Variants in TFRC observed in about 807,000 individuals in gnomAD.
TFRC encodes the protein transferrin receptor protein 1.
TFRC carries 35 observed loss-of-function variants against 85.8 expected under a neutral mutation model. The observed-to-expected ratio is 0.41, with a 90% CI of 0.31 to 0.54. The LOEUF is 0.54. TFRC is among the 20% of genes least tolerant of loss of function. The pLI, the probability that TFRC is intolerant of heterozygous loss-of-function variation, is 0.31. For synonymous variants in TFRC, 362 were observed against 328.6 expected (o/e 1.10, Z -1.10); for missense variants, 828 against 921.5 (o/e 0.90, Z 1.31).
At position 196,050,874 on chromosome 3, in the gene TFRC, T is replaced by A; in HGVS notation, c.*1068A>T. On this transcript the variant is annotated 3_prime_UTR_variant, in exon 19 of 19. Transcript: ENST00000360110. ...TTACATTTGGCTGACGGCTGTTTTC[T>A]AAAACCCTTAAGTGTTGACCATAAA... 5.1e-6 allele frequency: 1 copy of A among 195,994 alleles called. No homozygotes were observed. Among genetic ancestry groups the A allele is most frequent in the Admixed American group, 6.1e-5 (1 of 16,472 alleles). The allele number at this position is 195,994 out of a possible 1,614,324, so 12.1% of individuals were successfully genotyped here.
intron 18 of TFRC, among the ~76,000 whole-genome samples, chr3:196,052,823 C>A (rs536851488): frequency 3.9e-5 from 6 of 152,170 alleles, no homozygotes; most frequent in Admixed American, 3.9e-4. Context: ...GGTTAAAATT[C>A]TAAAGGAGGC....
At chr3:196,077,768 T>C (rs1276873950) in intron 1 of TFRC, among the ~76,000 whole-genome samples, 1 of 149,592 alleles carries the variant, frequency 6.7e-6, no homozygotes, top group Non-Finnish European at 1.5e-5. Flanking sequence ...AAAAAGAAAG[T>C]GACACATACA....
intron 10 of TFRC, 96 bp from the exon 11 acceptor site, chr3:196,064,524 T>C: frequency 1.7e-6 from 2 of 1,188,428 alleles, no homozygotes; most frequent in Non-Finnish European, 2.2e-6. Context: ...AAGCACAGTA[T>C]ATGTATTAAG....
chr3:196,063,627 AG>A (rs1284957556), intron 11 of TFRC, among the ~76,000 whole-genome samples: 1 of 152,154 alleles, frequency 6.6e-6, no homozygotes, highest in East Asian at 1.9e-4. Flanking sequence ...TAGGACAGAA[AG>A]GCTCAAAAAT....
intron 13 of TFRC, among the ~76,000 whole-genome samples, chr3:196,062,211 C>T (rs1226262920): frequency 1.4e-5 from 2 of 140,168 alleles, no homozygotes; most frequent in Admixed American, 7.2e-5. Flanking sequence ...CAGTGAGACC[C>T]TGTCTCAAAA....
rs1242735483 is a variant in TFRC at position 196,072,097 on chromosome 3, T to G, written c.490A>C (p.Asn164His). The G allele has an allele frequency of 1.2e-6, 2 of 1,614,044 alleles. No homozygotes were observed. The highest frequency in any genetic ancestry group is 1.7e-5 in the Admixed American group (1 of 59,990). ...PREAGSQKDE[N>H]LALYVENQFR... ...TGATTTTCAACATACAACGCAAGAT[T>G]TTCATCTTTTTGAGATCCAGCCTCA... Residue 164 changes from asparagine (N) to histidine (H), a missense_variant, in exon 5 of 19, where the codon AAT becomes CAT. Physicochemically the swap from Asn to His is moderately conservative, Grantham distance 68. Coordinates refer to ENST00000360110, the MANE Select transcript of TFRC (RefSeq NM_001128148.3).
chr3:196,061,710 G>C lies in TFRC; in HGVS notation c.1468+872C>G, dbSNP rs944928975. Among the ~76,000 whole-genome samples the C allele has an allele frequency of 3.3e-5, 5 of 152,198 alleles. No individual in the cohort carries two copies. The East Asian group carries it at 7.8e-4, about 24-fold the overall frequency. On this transcript the variant is annotated intron_variant, in intron 13 of 18. Coordinates refer to ENST00000360110, the MANE Select transcript of TFRC (RefSeq NM_001128148.3). ...TCACCATGTTGGCCAGGCTGGTCTC[G>C]AACTCCTGACCTCAGGTGATCCGCC... is the stretch of plus-strand genomic sequence containing the variant.
At chr3:196,060,335 A>G (rs918225570) in intron 13 of TFRC, 88 bp from the exon 14 acceptor site, 2 of 1,139,982 alleles carry the variant, frequency 1.8e-6, no homozygotes, top group African/African-American at 1.5e-5. Flanking sequence ...CTTGACAAAT[A>G]AGACAGTAAT....
At position 196,052,116 on chromosome 3, in the gene TFRC, G is replaced by A; in HGVS notation, c.2109C>T (p.Gly703=). The part of the protein sequence containing the change: ...KESPFRHVFW[G]SGSHTLPALL... Reference sequence around the variant, plus strand: ...AAGCTGGCAGCGTGTGAGAGCCGGAGCCCCAGAAGACATGTCGGAAAGGAG... The same window carrying A: ...AAGCTGGCAGCGTGTGAGAGCCGGAACCCCAGAAGACATGTCGGAAAGGAG... Residue 703 remains glycine (G), a synonymous_variant, in exon 19 of 19, where the codon GGC becomes GGT. Coordinates refer to ENST00000360110, the MANE Select transcript of TFRC (RefSeq NM_001128148.3). The A allele has an allele frequency of 1.2e-6, 2 of 1,614,072 alleles. No homozygotes were observed. The highest frequency in any genetic ancestry group is 1.7e-6 in the Non-Finnish European group (2 of 1,180,010).
chr3:196,059,550 A>T (rs1361498302), intron 14 of TFRC, among the ~76,000 whole-genome samples: 1 of 151,594 alleles, frequency 6.6e-6, no homozygotes, highest in Non-Finnish European at 1.5e-5. Flanking sequence ...TTCTAACTTT[A>T]CTCACTCCAA....
chr3:196,060,284 T>C, intron 13 of TFRC, 37 bp from the exon 14 acceptor site: 1 of 1,564,748 alleles, frequency 6.4e-7, no homozygotes. Context: ...CCCTTCTCCA[T>C]TCCGATAATT....
At chr3:196,065,224 T>C (rs1449266597) in intron 10 of TFRC, among the ~76,000 whole-genome samples, 1 of 150,308 alleles carries the variant, frequency 6.7e-6, no homozygotes, top group African/African-American at 2.5e-5. Context: ...ATCACACCAC[T>C]GCACTCCAGC....
intron 1 of TFRC, among the ~76,000 whole-genome samples, chr3:196,081,657 C>A (rs1411022385): frequency 6.6e-6 from 1 of 152,232 alleles, no homozygotes; most frequent in Non-Finnish European, 1.5e-5. Flanking sequence ...CCTTCAAGGG[C>A]GAGGACCCGA....
At chr3:196,066,753 T>C (rs953303862) in intron 9 of TFRC, among the ~76,000 whole-genome samples, 5 of 152,230 alleles carry the variant, frequency 3.3e-5, no homozygotes, top group Admixed American at 6.5e-5. Context: ...GTATTTCATA[T>C]ACTCCTTATA....
At position 196,065,412 on chromosome 3, in the gene TFRC, CGGGGCGGGGGGGGGGG is replaced by C. The variant is rs748729921; in HGVS notation, c.1198+15_1198+30del. On this transcript the variant is annotated intron_variant, in intron 10 of 18. Transcript: ENST00000360110. ...AACAGAAAAGAAAACAAAAAAAAAG[CGGGGCGGGGGGGGGGG>C]GGGGCGGTCTTTACCTGGTTCTACA... 5 of 937,018 alleles carry C rather than the reference CGGGGCGGGGGGGGGGG, an allele frequency of 5.3e-6. No homozygotes were observed. The highest frequency in any genetic ancestry group is 6.8e-6 in the Non-Finnish European group (5 of 736,238). The allele number at this position is 937,018 out of a possible 1,614,324, so 58.0% of individuals were successfully genotyped here. A position where few individuals can be genotyped will look rare whatever the true frequency, so the allele number is the denominator to read the frequency against.
At chr3:196,059,790 T>C (rs1304881105) in intron 14 of TFRC, among the ~76,000 whole-genome samples, 1 of 119,954 alleles carries the variant, frequency 8.3e-6, no homozygotes, top group Non-Finnish European at 1.6e-5. Context: ...AGGCAAATAT[T>C]TTCTTTCACA....
intron 7 of TFRC, 109 bp from the exon 8 acceptor site, chr3:196,068,239 T>C (rs902067941): frequency 9.4e-6 from 6 of 635,296 alleles, no homozygotes; most frequent in Non-Finnish European, 1.3e-5. Context: ...ACTAAACTTA[T>C]AATACTTCCA....
In TFRC at chr3:196,052,039, G is replaced by A. The variant is rs202242239; in HGVS notation, c.2186C>T (p.Thr729Met). ...TAGAGCCAACTGGTTTCTGAACAGCGTTTCATTAAAAGCACCGTTATTTTG... is the reference window on the plus strand; with the variant it reads ...TAGAGCCAACTGGTTTCTGAACAGCATTTCATTAAAAGCACCGTTATTTTG... ...RKQNNGAFNE[T>M]LFRNQLALAT... Residue 729 changes from threonine (T) to methionine (M), a missense_variant, in exon 19 of 19, where the codon ACG becomes ATG. Thr to Met is a moderately conservative substitution (Grantham distance 81). Coordinates refer to ENST00000360110, the MANE Select transcript of TFRC (RefSeq NM_001128148.3). The A allele has an allele frequency of 1.2e-4, 189 of 1,614,010 alleles. 1 individual carries two copies. The highest frequency in any genetic ancestry group is 9.8e-4 in the Admixed American group (59 of 59,994).
At chr3:196,081,023 C>T (rs962074925) in intron 1 of TFRC, among the ~76,000 whole-genome samples, 1 of 152,180 alleles carries the variant, frequency 6.6e-6, no homozygotes, top group Non-Finnish European at 1.5e-5. Context: ...GAGGTCTCTA[C>T]AAGCAGTAAG....
Sources: allele counts gnomAD v4.1 joint callset (sites outside exome capture counted in the v4.1 genomes callset), GRCh38; gene constraint gnomAD v4.1.1; transcripts MANE v1.5; gene names NCBI Gene and HGNC (gene_info 2026-07-23, HGNC 2026-07-21).